SCN3A: variants seen among roughly 807,000 people sequenced by gnomAD.
SCN3A encodes the protein sodium voltage-gated channel alpha subunit 3.
In SCN3A, 60 loss-of-function variants were observed where a neutral mutation model predicts 187.6. The ratio of observed to expected loss-of-function variants is 0.32; its 90% confidence interval spans 0.26 to 0.40. The LOEUF (loss-of-function observed/expected upper bound fraction) is 0.40. SCN3A is among the 10% of genes least tolerant of loss of function. SCN3A has a pLI of 1.00. For synonymous variants in SCN3A, 788 were observed against 829.2 expected (o/e 0.95, Z 0.85); for missense variants, 1,601 against 2,428.2 (o/e 0.66, Z 7.16).
intron 21 of SCN3A, among the ~76,000 whole-genome samples, chr2:165,105,096 A>T (rs1384202318): frequency 1.3e-5 from 2 of 152,212 alleles, no homozygotes; most frequent in Non-Finnish European, 2.9e-5. Flanking sequence ...GCTCAAAAAC[A>T]GAGGGGCAAT....
At chr2:165,137,638 G>A (rs550533478) in intron 15 of SCN3A, among the ~76,000 whole-genome samples, 13 of 152,146 alleles carry the variant, frequency 8.5e-5, no homozygotes, top group Middle Eastern at 3.4e-3. Context: ...ATTTTGAGAC[G>A]TTTACAACTG....
At chr2:165,135,378 A>T (rs990429813) in intron 15 of SCN3A, among the ~76,000 whole-genome samples, 5 of 152,124 alleles carry the variant, frequency 3.3e-5, no homozygotes, top group Admixed American at 6.6e-5. Flanking sequence ...AAAATGGGGC[A>T]TATTGATCTA....
intron 11 of SCN3A, among the ~76,000 whole-genome samples, chr2:165,151,376 A>G (rs1688674273): frequency 6.6e-6 from 1 of 152,216 alleles, no homozygotes; most frequent in African/African-American, 2.4e-5. Context: ...ATCTGAAAAA[A>G]ATCCTCAAAA....
rs939753768 is a variant in SCN3A at position 165,089,964 on chromosome 2, G to A, written c.*186C>T. 3.0e-5 allele frequency: 23 copies of A among 758,162 alleles called. No homozygotes were observed. Among genetic ancestry groups the A allele is most frequent in the Non-Finnish European group, 4.3e-5 (21 of 483,512 alleles). 47.0% of individuals were successfully genotyped at this position (758,162 alleles called of 1,614,324 possible). A position where few individuals can be genotyped will look rare whatever the true frequency, so the allele number is the denominator to read the frequency against. On this transcript the variant is annotated 3_prime_UTR_variant, in exon 28 of 28. Coordinates refer to ENST00000283254, the MANE Select transcript of SCN3A (RefSeq NM_006922.4). ...AAAACAGCAACCTCTTGTCAATGTT[G>A]ATACCCTGCTTCACAGAGTTGCAGT...
intron 10 of SCN3A, among the ~76,000 whole-genome samples, chr2:165,155,560 G>C (rs1688968950): frequency 6.6e-6 from 1 of 151,876 alleles, no homozygotes; most frequent in Admixed American, 6.6e-5. Context: ...CCACCATGCT[G>C]GGCTAATTTT....
intron 5 of SCN3A, among the ~76,000 whole-genome samples, chr2:165,167,812 A>G (rs1465284503): frequency 6.6e-6 from 1 of 152,146 alleles, no homozygotes; most frequent in East Asian, 1.9e-4. Context: ...ATAATAATAA[A>G]AAGATCTTGA....
chr2:165,091,265 G>A lies in SCN3A; in HGVS notation c.4888C>T (p.Arg1630Ter). The change falls in exon 28 of 28, where the codon CGA (arginine) becomes TGA (stop). Residue 1630 changes from arginine (R) to a stop codon, truncating the protein, a stop_gained. Transcript: ENST00000283254. LOFTEE classifies it high-confidence loss of function. The part of the protein sequence containing the change: ...FRVIRLARIG[R>*]ILRLIKGAKG... ...GCTCCTTTGATCAGACGTAGGATTC[G>A]GCCAATCCTGGCAAGACGGATCACT... The A allele has an allele frequency of 1.2e-6, 2 of 1,614,052 alleles. No individual in the cohort carries two copies. Among genetic ancestry groups the A allele is most frequent in the East Asian group, 2.2e-5 (1 of 44,874 alleles).
intron 15 of SCN3A, among the ~76,000 whole-genome samples, chr2:165,133,492 C>G (rs1193641555): frequency 6.6e-6 from 1 of 151,880 alleles, no homozygotes; most frequent in Non-Finnish European, 1.5e-5. Context: ...CATGGGCTAC[C>G]TACCATGCCC....
chr2:165,162,334 T>G lies in SCN3A; in HGVS notation c.1005A>C (p.Leu335Phe). ...FYVLDGQKDPLLCGNGSDAGQ... is the reference protein window; with the variant it reads ...FYVLDGQKDPFLCGNGSDAGQ... The stretch of plus-strand genomic sequence containing the variant: ...CTGCATCTGAGCCATTTCCACAGAG[T>G]AAAGGGTCTTTTTGCCCATCCAAAA... Residue 335 changes from leucine (L) to phenylalanine (F), a missense_variant, in exon 9 of 28, where the codon TTA (leucine) becomes TTC (phenylalanine). By Grantham distance (22) the Leu-to-Phe change is conservative. Around this residue, in one of 11 missense-constraint regions of SCN3A, gnomAD observed 104 missense variants for 102.7 expected, o/e 1.01. Coordinates refer to ENST00000283254, the MANE Select transcript of SCN3A (RefSeq NM_006922.4). 6.2e-7 allele frequency: 1 copy of G among 1,613,594 alleles called. No homozygotes were observed.
chr2:165,123,848 T>C (rs1050429703), intron 18 of SCN3A, among the ~76,000 whole-genome samples: 2 of 152,086 alleles, frequency 1.3e-5, no homozygotes, highest in African/African-American at 2.4e-5. Flanking sequence ...GGTATTGGCT[T>C]TTTATTTTAA....
chr2:165,107,362 A>G (rs1015153872), intron 21 of SCN3A, among the ~76,000 whole-genome samples: 14 of 152,224 alleles, frequency 9.2e-5, no homozygotes, highest in African/African-American at 3.4e-4. Context: ...CAAGAAATGG[A>G]CAAAATGAAT....
At chr2:165,184,395 A>T (rs773834654) in intron 2 of SCN3A, among the ~76,000 whole-genome samples, 2 of 151,088 alleles carry the variant, frequency 1.3e-5, no homozygotes, top group Non-Finnish European at 3.0e-5. Context: ...GGTTGATACC[A>T]TTAATATTTC....
intron 1 of SCN3A, among the ~76,000 whole-genome samples, chr2:165,200,997 T>C (rs1692285057): frequency 6.6e-6 from 1 of 152,102 alleles, no homozygotes; most frequent in South Asian, 2.1e-4. Context: ...TAGGTTCAGT[T>C]ATCTGGTGGT....
Position 165,115,449 on chromosome 2 carries a change from G to A in SCN3A, c.3514+6C>T. On this transcript the variant is annotated splice_donor_region_variant and intron_variant, in intron 19 of 27. Coordinates refer to ENST00000283254, the MANE Select transcript of SCN3A (RefSeq NM_006922.4). ...ATTGTATTTAATCACATCAGAGCTT[G>A]TTTACCTTCAGTAAAACAAGCTTCC... 6.2e-7 allele frequency: 1 copy of A among 1,613,538 alleles called. No homozygotes were observed. The highest frequency in any genetic ancestry group is 1.1e-5 in the South Asian group (1 of 91,048).
chr2:165,167,004 A>C (rs1300965682), intron 5 of SCN3A, among the ~76,000 whole-genome samples: 1 of 151,656 alleles, frequency 6.6e-6, no homozygotes, highest in Non-Finnish European at 1.5e-5. Context: ...GGTTCAAGCG[A>C]TTCTCTTGTC....
intron 3 of SCN3A, among the ~76,000 whole-genome samples, chr2:165,171,764 A>G (rs1015693877): frequency 6.6e-6 from 1 of 152,092 alleles, no homozygotes; most frequent in African/African-American, 2.4e-5. Flanking sequence ...ATTATAGTCA[A>G]GTAGCAATTT....
At chr2:165,163,557 A>T in intron 7 of SCN3A, 61 bp downstream of exon 7, 7 of 1,555,942 alleles carry the variant, frequency 4.5e-6, no homozygotes, top group Non-Finnish European at 6.2e-6. Context: ...GCTGTAAGTC[A>T]TATAAATTGA....
At chr2:165,173,692 A>G (rs1690264839) in intron 3 of SCN3A, among the ~76,000 whole-genome samples, 1 of 152,166 alleles carries the variant, frequency 6.6e-6, no homozygotes, top group Non-Finnish European at 1.5e-5. Context: ...GTATTTTTCC[A>G]TATAATTAAC....
rs1688399786 is a variant in SCN3A, at chr2:165,147,109, A to G, written c.1381-80T>C. On this transcript the variant is annotated intron_variant, in intron 11 of 27. Coordinates refer to ENST00000283254, the MANE Select transcript of SCN3A (RefSeq NM_006922.4). ...GAGTATGGTTAAAATATTGCCATTT[A>G]AGACTCATTAACTACAAGTGAAAAG... 35 of 1,510,692 alleles carry G rather than the reference A, an allele frequency of 2.3e-5. No individual in the cohort carries two copies. In the South Asian group the frequency reaches 3.9e-4, roughly 17 times the overall value. 93.6% of individuals were successfully genotyped at this position (1,510,692 alleles called of 1,614,324 possible).
Sources: gnomAD v4.1 joint callset for allele counts (sites outside exome capture counted in the v4.1 genomes callset) on GRCh38, gnomAD v4.1.1 for gene constraint, gnomAD v4.1.1 regional missense constraint, MANE v1.5 for transcripts, NCBI Gene and HGNC (gene_info 2026-07-23, HGNC 2026-07-21) for gene names.